Variants in CCDC141 observed in about 807,000 individuals in gnomAD.
The protein encoded by CCDC141 is coiled-coil domain-containing protein 141.
Under a neutral mutation model 181.0 loss-of-function variants are expected in CCDC141, and 168 were observed. The observed-to-expected ratio is 0.93, with a 90% CI of 0.82 to 1.05. The LOEUF (loss-of-function observed/expected upper bound fraction) is 1.05, where lower values mean the gene tolerates loss of function less well. CCDC141 is among the 50% of genes least tolerant of loss of function. The pLI is 0.00. For missense variants in CCDC141, 1,902 were observed against 1,788.5 expected (o/e 1.06, Z -1.14); for synonymous variants, 666 against 642.3 (o/e 1.04, Z -0.56).
chr2:179,002,168 T>C (rs2042003445), intron 2 of CCDC141: 1 of 245,528 alleles, frequency 4.1e-6, no homozygotes, highest in South Asian at 5.2e-5. Flanking sequence ...TAGCTGCTGA[T>C]GCTCTGGGTG....
chr2:178,899,167 A>G (rs1687560005), intron 8 of CCDC141, among the ~76,000 whole-genome samples: 1 of 152,188 alleles, frequency 6.6e-6, no homozygotes, highest in Non-Finnish European at 1.5e-5. Context: ...TTTGCCTATA[A>G]TATTCAATAC....
At chr2:178,868,243 T>C in intron 15 of CCDC141, 38 bp from the exon 16 acceptor site, 1 of 1,556,496 alleles carries the variant, frequency 6.4e-7, no homozygotes, top group African/African-American at 1.4e-5. Flanking sequence ...CTGGGTTTTA[T>C]ATGAAGACAA....
At chr2:178,987,408 G>A (rs1351269876) in intron 2 of CCDC141, among the ~76,000 whole-genome samples, 7 of 152,036 alleles carry the variant, frequency 4.6e-5, no homozygotes, top group Non-Finnish European at 2.9e-5. Context: ...ATAGGCATGT[G>A]CAAGGACTTC....
intron 2 of CCDC141, among the ~76,000 whole-genome samples, chr2:178,984,382 C>T (rs1335091525): frequency 3.9e-5 from 6 of 151,930 alleles, no homozygotes; most frequent in East Asian, 1.9e-4. Context: ...TAACGACCAT[C>T]GAGACTAGGA....
chr2:178,889,778 G>A (rs374914855), intron 8 of CCDC141, among the ~76,000 whole-genome samples: 1 of 152,108 alleles, frequency 6.6e-6, no homozygotes, highest in East Asian at 1.9e-4. Context: ...ACCACTATGA[G>A]TAATCTTATT....
At chr2:179,017,797 G>A (rs144802983) in intron 2 of CCDC141, among the ~76,000 whole-genome samples, 197 of 152,168 alleles carry the variant, frequency 1.3e-3, no homozygotes, top group African/African-American at 4.5e-3. Flanking sequence ...GAACAAAATG[G>A]AATGCCCAGT....
chr2:179,029,880 C>T (rs1335837095), intron 2 of CCDC141, among the ~76,000 whole-genome samples: 2 of 152,052 alleles, frequency 1.3e-5, no homozygotes, highest in Non-Finnish European at 2.9e-5. Context: ...AAAGAAAATC[C>T]ACAATTTATA....
At chr2:178,853,723 T>A in intron 19 of CCDC141, 99 bp from the exon 20 acceptor site, 1 of 972,378 alleles carries the variant, frequency 1.0e-6, no homozygotes, top group Non-Finnish European at 1.5e-6. Context: ...TCCCTCAACT[T>A]AATGTTCACA....
At chr2:178,855,947 AAGG>A (rs1664823194) in intron 18 of CCDC141, among the ~76,000 whole-genome samples, 2 of 152,166 alleles carry the variant, frequency 1.3e-5, no homozygotes, top group South Asian at 4.1e-4. Flanking sequence ...GATGCAAGAA[AAGG>A]AGGAGGAGTG....
intron 16 of CCDC141, 123 bp downstream of exon 16, chr2:178,867,903 C>A: frequency 2.7e-6 from 2 of 731,220 alleles, no homozygotes; most frequent in Non-Finnish European, 4.1e-6. Context: ...CAAATAACTA[C>A]CCCAATGGTT....
intron 2 of CCDC141, among the ~76,000 whole-genome samples, chr2:178,988,602 T>G (rs991285397): frequency 3.3e-5 from 5 of 152,154 alleles, no homozygotes; most frequent in African/African-American, 1.2e-4. Context: ...ACAGATTCAA[T>G]GTAATCAATA....
At chr2:178,990,467 T>C (rs1478569921) in intron 2 of CCDC141, among the ~76,000 whole-genome samples, 2 of 147,810 alleles carry the variant, frequency 1.4e-5, no homozygotes, top group African/African-American at 2.5e-5. Flanking sequence ...ATGAACAAAA[T>C]GTACTATATC....
Position 178,900,642 on chromosome 2 carries a change from A to G in CCDC141, c.1265+4687T>C, listed in dbSNP as rs74512271. Among the ~76,000 whole-genome samples the G allele has an allele frequency of 6.8e-3, 1,041 of 152,312 alleles. 12 individuals are homozygous for G. Among genetic ancestry groups the G allele is most frequent in the African/African-American group, 0.023 (974 of 41,580 alleles). Reference sequence around the variant, plus strand: ...AGAACCTCAAACACAGAATGTATAAAAAATAAAAGCAGCTTTCCTCTTATA... The same window carrying G: ...AGAACCTCAAACACAGAATGTATAAGAAATAAAAGCAGCTTTCCTCTTATA... On this transcript the variant is annotated intron_variant, in intron 8 of 23. Coordinates refer to ENST00000443758, the MANE Select transcript of CCDC141 (RefSeq NM_173648.4).
At position 178,944,644 on chromosome 2, in the gene CCDC141, C is replaced by G; in HGVS notation, c.788G>C (p.Cys263Ser). 6.8e-7 allele frequency: 1 copy of G among 1,468,450 alleles called. No homozygotes were observed. Among genetic ancestry groups the G allele is most frequent in the Non-Finnish European group, 9.2e-7 (1 of 1,085,818 alleles). 91.0% of individuals were successfully genotyped at this position (1,468,450 alleles called of 1,614,324 possible). Reference sequence around the variant, plus strand: ...ATTTCTTATAGTTTTCTGAAACCAACAAGTAACCTAGGTAAAAGGCAACAA... The same window carrying G: ...ATTTCTTATAGTTTTCTGAAACCAAGAAGTAACCTAGGTAAAAGGCAACAA... ...QWDQQENQVT[C>S]WFQKTIRNLQ... The change falls in exon 6 of 24, where the codon TGT becomes TCT. Residue 263 changes from cysteine (C) to serine (S), a missense_variant. Physicochemically the swap from Cys to Ser is moderately radical, Grantham distance 112 (BLOSUM62 -1). Coordinates refer to ENST00000443758, the MANE Select transcript of CCDC141 (RefSeq NM_173648.4).
chr2:178,868,344 TA>T (rs1315769952), intron 15 of CCDC141, 139 bp from the exon 16 acceptor site: 1 of 648,086 alleles, frequency 1.5e-6, no homozygotes, highest in Admixed American at 2.8e-5. Flanking sequence ...ATTAGCCAAA[TA>T]AATGTTAGAA....
chr2:178,982,582 C>G (rs910619990), intron 2 of CCDC141, among the ~76,000 whole-genome samples: 9 of 152,188 alleles, frequency 5.9e-5, no homozygotes, highest in African/African-American at 2.2e-4. Flanking sequence ...GAGTGCCAGA[C>G]AGGGGGCGCA....
chr2:178,885,574 C>T (rs1278868019), intron 10 of CCDC141, among the ~76,000 whole-genome samples: 1 of 151,962 alleles, frequency 6.6e-6, no homozygotes, highest in Non-Finnish European at 1.5e-5. Flanking sequence ...CTAGAAGGGC[C>T]AGTGGGGAAA....
At chr2:178,906,574 T>G (rs1687981619) in intron 7 of CCDC141, among the ~76,000 whole-genome samples, 1 of 152,082 alleles carries the variant, frequency 6.6e-6, no homozygotes, top group African/African-American at 2.4e-5. Context: ...ATCTGGAAAA[T>G]AGTCCTAACA....
chr2:178,875,429 G>C (rs1023089820), intron 12 of CCDC141: 6 of 152,132 alleles, frequency 3.9e-5, no homozygotes, highest in African/African-American at 1.2e-4. Context: ...GCCGGGCATG[G>C]TGGCAGGCAC....
Sources: allele counts gnomAD v4.1 joint callset (sites outside exome capture counted in the v4.1 genomes callset), GRCh38; gene constraint gnomAD v4.1.1; transcripts MANE v1.5; gene names NCBI Gene and HGNC (gene_info 2026-07-23, HGNC 2026-07-21).